The following COL25A1 variants were observed in gnomAD, a reference collection of about 807,000 sequenced individuals.
COL25A1 encodes collagen alpha-1(XXV) chain.
A neutral mutation model predicts 128.4 loss-of-function variants in COL25A1; 103 were observed. The observed-to-expected ratio is 0.80, with a 90% CI of 0.68 to 0.94. The LOEUF (loss-of-function observed/expected upper bound fraction) is 0.94, where lower values mean the gene tolerates loss of function less well. Among genes scored for constraint, COL25A1 ranks in the 40% least tolerant of loss-of-function variants. The pLI is 0.00. For missense variants in COL25A1, 745 were observed against 840.0 expected (o/e 0.89, Z 1.40); for synonymous variants, 279 against 277.2 (o/e 1.01, Z -0.06).
At chr4:109,018,267 C>G (rs952582059) in intron 5 of COL25A1, among the ~76,000 whole-genome samples, 8 of 152,170 alleles carry the variant, frequency 5.3e-5, no homozygotes, top group Admixed American at 1.3e-4. Flanking sequence ...TCTTGTTGCC[C>G]AGGCTGGAGT....
rs561092864 is a variant in COL25A1 at position 108,963,692 on chromosome 4, T to C, written c.492+10675A>G. 4.8e-4 allele frequency among the ~76,000 whole-genome samples: 73 copies of C among 152,198 alleles called. No homozygotes were observed. In the South Asian group the frequency reaches 0.015, roughly 31 times the overall value. On this transcript the variant is annotated intron_variant, in intron 8 of 37. Coordinates refer to ENST00000399132, the MANE Select transcript of COL25A1 (RefSeq NM_198721.4). ...TAGTTTCATGTTTGAGAGAGGATTA[T>C]TAATATATTACTTATCAAGGAAGTC...
At chr4:108,993,114 C>A (rs1262559780) in intron 6 of COL25A1, among the ~76,000 whole-genome samples, 1 of 152,012 alleles carries the variant, frequency 6.6e-6, no homozygotes, top group African/African-American at 2.4e-5. Flanking sequence ...CATGTTGTAC[C>A]ATAGATTTCT....
At chr4:108,999,257 A>C (rs1177812119) in intron 6 of COL25A1, among the ~76,000 whole-genome samples, 1 of 43,106 alleles carries the variant, frequency 2.3e-5, no homozygotes, top group Non-Finnish European at 6.3e-5. Flanking sequence ...AAAAACTTAC[A>C]CAAATTTGCA....
chr4:109,044,115 G>A (rs1579185701), intron 5 of COL25A1, among the ~76,000 whole-genome samples: 1 of 146,954 alleles, frequency 6.8e-6, no homozygotes, highest in African/African-American at 2.6e-5. Flanking sequence ...GTGTGTGTGT[G>A]TATGTATGTA....
chr4:108,901,640 A>T (rs1296094442), intron 13 of COL25A1, among the ~76,000 whole-genome samples: 1 of 152,144 alleles, frequency 6.6e-6, no homozygotes, highest in African/African-American at 2.4e-5. Context: ...TTGAACACCT[A>T]CTTAATTCAT....
chr4:109,038,801 G>A lies in COL25A1; in HGVS notation c.420+9367C>T, dbSNP rs78395954. The stretch of plus-strand genomic sequence containing the variant: ...TTTCTTGAGTTGCTGCTCCTGCAGT[G>A]TCCCCCTCTGCCCCCACTGGAGATT... On this transcript the variant is annotated intron_variant, in intron 5 of 37. Coordinates refer to ENST00000399132, the MANE Select transcript of COL25A1 (RefSeq NM_198721.4). Among the ~76,000 whole-genome samples, 1,130 of 152,240 alleles carry A rather than the reference G, an allele frequency of 7.4e-3. 7 individuals are homozygous for A. Among genetic ancestry groups the A allele is most frequent in the Non-Finnish European group, 0.012 (812 of 68,018 alleles).
At chr4:108,885,496 A>C (rs1227613249) in intron 18 of COL25A1, among the ~76,000 whole-genome samples, 1 of 152,232 alleles carries the variant, frequency 6.6e-6, no homozygotes, top group East Asian at 1.9e-4. Context: ...AATGAGACTA[A>C]GCCAGAGGAG....
chr4:108,930,629 T>C, intron 11 of COL25A1, among the ~76,000 whole-genome samples: 1 of 152,172 alleles, frequency 6.6e-6, no homozygotes. Context: ...GAGGAAGGTG[T>C]GGGAGAGAAG....
chr4:108,933,065 G>A (rs1487376106), intron 11 of COL25A1, among the ~76,000 whole-genome samples: 4 of 152,190 alleles, frequency 2.6e-5, no homozygotes, highest in Admixed American at 6.5e-5. Context: ...AACTGCGTGA[G>A]CTGCAGGTTT....
rs1398344635 is a variant in COL25A1, at chr4:108,886,478, G to T, written c.976-2256C>A. Reference sequence around the variant, plus strand: ...TGTGTGTGTGTGTGTGTGTGTGTGTGTGTGTGTGTGTGTGTTTAGCTCATC... The same window carrying T: ...TGTGTGTGTGTGTGTGTGTGTGTGTTTGTGTGTGTGTGTGTTTAGCTCATC... On this transcript the variant is annotated intron_variant, in intron 18 of 37. Coordinates refer to ENST00000399132, the MANE Select transcript of COL25A1 (RefSeq NM_198721.4). Among the ~76,000 whole-genome samples, 135 of 125,392 alleles carry T rather than the reference G, an allele frequency of 1.1e-3. 1 individual carries two copies. The highest frequency in any genetic ancestry group is 3.9e-3 in the African/African-American group (123 of 31,794). 82.3% of individuals were successfully genotyped at this position (125,392 alleles called of 152,430 possible).
intron 6 of COL25A1, among the ~76,000 whole-genome samples, chr4:109,001,428 G>GATC (rs1202063003): frequency 4.8e-4 from 6 of 12,628 alleles, no homozygotes; most frequent in Admixed American, 1.5e-3. Flanking sequence ...TAGGCAGTGA[G>GATC]CTAGAGGGTT....
At chr4:108,950,748 A>G (rs1014223830) in intron 8 of COL25A1, among the ~76,000 whole-genome samples, 2 of 152,182 alleles carry the variant, frequency 1.3e-5, no homozygotes, top group Non-Finnish European at 2.9e-5. Flanking sequence ...ATGAACTAAA[A>G]CATGCATTCC....
chr4:109,220,444 G>GT (rs1262526917), intron 3 of COL25A1, among the ~76,000 whole-genome samples: 1 of 152,092 alleles, frequency 6.6e-6, no homozygotes, highest in Non-Finnish European at 1.5e-5. Context: ...TATCCAAAAG[G>GT]TTTTACACCA....
At chr4:109,187,158 GAC>G (rs1337866286) in intron 3 of COL25A1, among the ~76,000 whole-genome samples, 59 of 106,180 alleles carry the variant, frequency 5.6e-4, no homozygotes, top group Non-Finnish European at 2.1e-4. Context: ...TTTTAATAGT[GAC>G]ACAGAGTCGT....
At chr4:109,107,246 C>A (rs1182345855) in intron 3 of COL25A1, among the ~76,000 whole-genome samples, 1 of 151,950 alleles carries the variant, frequency 6.6e-6, no homozygotes, top group Non-Finnish European at 1.5e-5. Flanking sequence ...CCACAAAATG[C>A]CTAAGGGAAA....
intron 3 of COL25A1, among the ~76,000 whole-genome samples, chr4:109,291,295 T>C (rs1287476562): frequency 6.6e-6 from 1 of 152,162 alleles, no homozygotes; most frequent in East Asian, 1.9e-4. Context: ...ATGTGAAATG[T>C]ATTGTATATC....
chr4:109,178,590 C>T (rs776331163), intron 3 of COL25A1, among the ~76,000 whole-genome samples: 2 of 151,856 alleles, frequency 1.3e-5, no homozygotes, highest in African/African-American at 2.4e-5. Flanking sequence ...TTTCGGAGGC[C>T]GAGGCGGGCA....
intron 3 of COL25A1, among the ~76,000 whole-genome samples, chr4:109,095,359 C>A (rs2126014257): frequency 6.6e-6 from 1 of 152,262 alleles, no homozygotes; most frequent in Middle Eastern, 3.4e-3. Flanking sequence ...ATTCTCTTAT[C>A]AAAATATACT....
At chr4:109,035,908 T>C (rs1467373135) in intron 5 of COL25A1, among the ~76,000 whole-genome samples, 2 of 151,878 alleles carry the variant, frequency 1.3e-5, no homozygotes, top group African/African-American at 2.4e-5. Context: ...ATTTTTATTT[T>C]ATTTTATTTT....
Sources: gnomAD v4.1 joint callset for allele counts (sites outside exome capture counted in the v4.1 genomes callset) on GRCh38, gnomAD v4.1.1 for gene constraint, MANE v1.5 for transcripts, NCBI Gene and HGNC (gene_info 2026-07-23, HGNC 2026-07-21) for gene names.